Variants in C1orf159 observed in about 807,000 individuals in gnomAD.
The protein encoded by C1orf159 is uncharacterized protein C1orf159.
C1orf159 carries 19 observed loss-of-function variants against 25.6 expected under a neutral mutation model. The observed-to-expected ratio is 0.74, with a 90% CI of 0.52 to 1.09. The LOEUF is 1.09. Among genes scored for constraint, C1orf159 ranks in the 50% least tolerant of loss-of-function variants. C1orf159 has a pLI of 0.00. For missense variants in C1orf159, 274 were observed against 290.6 expected (o/e 0.94, Z 0.42); for synonymous variants, 139 against 124.7 (o/e 1.12, Z -0.77).
At chr1:1,083,429 G>A (rs1281200295) in intron 9 of C1orf159, 2 of 196,988 alleles carry the variant, frequency 1.0e-5, no homozygotes, top group South Asian at 1.1e-4. Flanking sequence ...CTGAAACAAC[G>A]GCCAGGGCCC....
At chr1:1,100,785 G>C (rs1349299987) in intron 1 of C1orf159, among the ~76,000 whole-genome samples, 1 of 152,088 alleles carries the variant, frequency 6.6e-6, no homozygotes, top group East Asian at 1.9e-4. Context: ...TCTAGGAATT[G>C]CAATTTCAAC....
chr1:1,090,431 G>A lies in C1orf159; in HGVS notation c.73-3C>T, dbSNP rs1645910015. 1.3e-6 allele frequency: 2 copies of A among 1,550,366 alleles called. No individual in the cohort carries two copies. Among genetic ancestry groups the A allele is most frequent in the East Asian group, 2.4e-5 (1 of 40,922 alleles). ...ACACAGCACTCGGGCAGCTGGGCCT[G>A]GAGGGGACACGGCAGTGAAACTCCA... On this transcript the variant is annotated splice_region_variant and splice_polypyrimidine_tract_variant and intron_variant, in intron 3 of 9. Transcript: ENST00000421241.
intron 1 of C1orf159, among the ~76,000 whole-genome samples, chr1:1,097,568 A>C (rs1646025233): frequency 6.8e-6 from 1 of 147,600 alleles, no homozygotes; most frequent in Non-Finnish European, 1.5e-5. Flanking sequence ...TCGAGCCACC[A>C]CACCCAGCTC....
Position 1,082,789 on chromosome 1 carries a change from T to G in C1orf159, c.*104A>C, listed in dbSNP as rs1645764552. 1 of 1,060,958 alleles carries G rather than the reference T, an allele frequency of 9.4e-7. No homozygotes were observed. The highest frequency in any genetic ancestry group is 1.4e-6 in the Non-Finnish European group (1 of 705,912). The allele number at this position is 1,060,958 out of a possible 1,614,324, so 65.7% of individuals were successfully genotyped here. A position where few individuals can be genotyped will look rare whatever the true frequency, so the allele number is the denominator to read the frequency against. ...TCAGAGCCGAGGCTGTGCCCAGGAC[T>G]GTCCCGGGCGCCGGGCGATGCCAAC... On this transcript the variant is annotated 3_prime_UTR_variant, in exon 10 of 10. Transcript: ENST00000421241.
chr1:1,085,217 C>T (rs1382939872), intron 7 of C1orf159: 1 of 396,416 alleles, frequency 2.5e-6, no homozygotes, highest in East Asian at 8.4e-5. Context: ...GAGGAGGCCC[C>T]AGCTCGGCTA....
intron 3 of C1orf159, chr1:1,090,783 G>A (rs987167119): frequency 3.7e-6 from 4 of 1,089,116 alleles, no homozygotes; most frequent in Admixed American, 4.0e-5. Flanking sequence ...TGACCCCACA[G>A]AGGAAGTGCC....
chr1:1,088,160 C>A (rs1262084844), intron 4 of C1orf159, among the ~76,000 whole-genome samples: 1 of 114,470 alleles, frequency 8.7e-6, no homozygotes, highest in African/African-American at 3.4e-5. Context: ...CAAGACCCCC[C>A]CCACGCCTCT....
At chr1:1,113,768 G>C (rs1051784531) in intron 1 of C1orf159, among the ~76,000 whole-genome samples, 1 of 152,204 alleles carries the variant, frequency 6.6e-6, no homozygotes, top group African/African-American at 2.4e-5. Flanking sequence ...CTTTGACTTA[G>C]GGTCTTCCAC....
At chr1:1,091,085 CA>C in intron 3 of C1orf159, 2 of 972,442 alleles carry the variant, frequency 2.1e-6, no homozygotes, top group Non-Finnish European at 3.1e-6. Context: ...TCAAACGCCC[CA>C]GCCAGGACAG....
At chr1:1,115,750 C>A (rs1453199908) in intron 1 of C1orf159, among the ~76,000 whole-genome samples, 6 of 122,734 alleles carry the variant, frequency 4.9e-5, no homozygotes, top group Admixed American at 7.6e-5. Flanking sequence ...CTCCCCACCC[C>A]TCCCCGGGGT....
Position 1,085,943 on chromosome 1 carries a change from A to G in C1orf159, c.380T>C (p.Val127Ala), listed in dbSNP as rs1645821808. The G allele has an allele frequency of 6.2e-7, 1 of 1,613,358 alleles. No individual in the cohort carries two copies. Among genetic ancestry groups the G allele is most frequent in the Admixed American group, 1.7e-5 (1 of 60,020 alleles). The change falls in exon 7 of 10, where the codon GTA (valine) becomes GCA (alanine). Residue 127 changes from valine (V) to alanine (A), a missense_variant. By Grantham distance (64) the Val-to-Ala change is moderately conservative (BLOSUM62 0). Transcript: ENST00000421241. Reference protein sequence around the residue: ...FFISSGLILSVAGFFYLKRSS... With the variant: ...FFISSGLILSAAGFFYLKRSS... ...GCGCTTGAGGTAGAAGAACCCAGCT[A>G]CGGAGAGGATGAGGCCGGAGCTAAT...
chr1:1,084,447 G>T (rs765738138), intron 8 of C1orf159, 34 bp downstream of exon 8: 1 of 1,574,452 alleles, frequency 6.4e-7, no homozygotes, highest in South Asian at 1.2e-5. Context: ...CACGCGGCCA[G>T]GGACGCTCAG....
intron 2 of C1orf159, 35 bp from the exon 3 acceptor site, chr1:1,091,600 T>C (rs1375563504): frequency 1.7e-6 from 2 of 1,165,816 alleles, no homozygotes; most frequent in Non-Finnish European, 2.3e-6. Flanking sequence ...GCCAAAGAGA[T>C]GGAGTGGGGC....
In C1orf159 at chr1:1,092,040, G is replaced by A. The variant is rs1164083880; in HGVS notation, c.-72C>T. The A allele has an allele frequency of 1.1e-5, 5 of 456,032 alleles. No homozygotes were observed. Among genetic ancestry groups the A allele is most frequent in the Admixed American group, 9.4e-5 (4 of 42,522 alleles). The allele number at this position is 456,032 out of a possible 1,614,324, so 28.2% of individuals were successfully genotyped here. On this transcript the variant is annotated 5_prime_UTR_variant, in exon 2 of 10. Coordinates refer to ENST00000421241, the MANE Select transcript of C1orf159 (RefSeq NM_017891.5). ...CGACATCAGCCCTTTGCCCGCCTGGGTGTTCAGGGGTTAGCTCTGGGAGCT... is the reference window on the plus strand; with the variant it reads ...CGACATCAGCCCTTTGCCCGCCTGGATGTTCAGGGGTTAGCTCTGGGAGCT...
In C1orf159 at chr1:1,089,740, A is replaced by G. The variant is rs1201542548; in HGVS notation, c.148+613T>C. Among the ~76,000 whole-genome samples the G allele has an allele frequency of 4.6e-5, 7 of 152,082 alleles. No individual in the cohort carries two copies. Among genetic ancestry groups the G allele is most frequent in the Admixed American group, 3.3e-4 (5 of 15,274 alleles). On this transcript the variant is annotated intron_variant, in intron 4 of 9. Coordinates refer to ENST00000421241, the MANE Select transcript of C1orf159 (RefSeq NM_017891.5). This position sits in a 1 kb window ranked among gnomAD's most constrained non-coding sequence, Gnocchi z 7.5. ...GCCCCAAGTTCACCAAGGGCCGCCA[A>G]GGAGTGGCCCTTGCACCTTCTCACT...
At chr1:1,108,678 A>G (rs535008468) in intron 1 of C1orf159, among the ~76,000 whole-genome samples, 1 of 77,334 alleles carries the variant, frequency 1.3e-5, no homozygotes, top group Non-Finnish European at 2.5e-5. Context: ...CGTTCACCAC[A>G]GCCACCATGT....
chr1:1,112,740 G>A (rs1487233606), intron 1 of C1orf159, among the ~76,000 whole-genome samples: 1 of 152,266 alleles, frequency 6.6e-6, no homozygotes, highest in East Asian at 1.9e-4. Context: ...CAGGGGAGAA[G>A]GGGTGCAAGA....
At chr1:1,108,626 TCA>T (rs1646212678) in intron 1 of C1orf159, among the ~76,000 whole-genome samples, 1 of 78,754 alleles carries the variant, frequency 1.3e-5, no homozygotes, top group African/African-American at 8.6e-5. Flanking sequence ...CCACCATGTC[TCA>T]GCAGCACCGT....
intron 1 of C1orf159, among the ~76,000 whole-genome samples, chr1:1,108,951 T>C (rs1357922108): frequency 3.7e-4 from 23 of 61,538 alleles, no homozygotes; most frequent in South Asian, 3.4e-3. Flanking sequence ...GCAGCACCGT[T>C]CACCACAGCC....
Sources: gnomAD v4.1 joint callset for allele counts (sites outside exome capture counted in the v4.1 genomes callset) on GRCh38, gnomAD v4.1.1 for gene constraint, Gnocchi (gnomAD v3.1) non-coding constraint, MANE v1.5 for transcripts, NCBI Gene and HGNC (gene_info 2026-07-23, HGNC 2026-07-21) for gene names.